The following CNTNAP2 variants were observed in gnomAD, a reference collection of about 807,000 sequenced individuals.
CNTNAP2 encodes the protein contactin-associated protein-like 2.
Under a neutral mutation model 155.2 loss-of-function variants are expected in CNTNAP2, and 98 were observed. The observed-to-expected ratio is 0.63, with a 90% CI of 0.54 to 0.75. The LOEUF is 0.75. Ranked by LOEUF, CNTNAP2 falls within the 30% of genes least tolerant of loss-of-function variation. The probability of loss-of-function intolerance (pLI) is 0.00; values close to 1 mark genes in which losing one functional copy is unlikely to be tolerated. For synonymous variants in CNTNAP2, 651 were observed against 631.2 expected, an observed-to-expected ratio of 1.03 and a Z score of -0.47; for missense variants, 1,727 against 1,688.1, an observed-to-expected ratio of 1.02 and a Z score of -0.40.
At chr7:147,132,692 G>C (rs557230911) in intron 8 of CNTNAP2, among the ~76,000 whole-genome samples, 183 bp downstream of exon 8, 77 of 152,136 alleles carry the variant, frequency 5.1e-4, no homozygotes, top group Non-Finnish European at 9.4e-4. Flanking sequence ...AAGTTGTTGA[G>C]AGAGCAAGGC....
At chr7:147,047,031 C>CA (rs1230362426) in intron 4 of CNTNAP2, among the ~76,000 whole-genome samples, 5,487 of 49,664 alleles carry the variant, frequency 0.11, 492 homozygotes, top group African/African-American at 0.28. Context: ...GACTCCGTGT[C>CA]AAAAAAAAAA....
intron 1 of CNTNAP2, among the ~76,000 whole-genome samples, chr7:146,267,256 G>A (rs752401965): frequency 1.3e-5 from 2 of 152,126 alleles, no homozygotes; most frequent in Non-Finnish European, 2.9e-5. Flanking sequence ...TATTCATATA[G>A]CAATTAATAC....
At chr7:146,686,299 G>GAA (rs58176175) in intron 1 of CNTNAP2, among the ~76,000 whole-genome samples, 2 of 149,278 alleles carry the variant, frequency 1.3e-5, no homozygotes, top group African/African-American at 4.9e-5. Flanking sequence ...TGTCTCAAGG[G>GAA]AAAAAAAAAA....
chr7:146,257,131 C>T (rs965311890), intron 1 of CNTNAP2, among the ~76,000 whole-genome samples: 2 of 152,126 alleles, frequency 1.3e-5, no homozygotes, highest in Admixed American at 1.3e-4. Context: ...TTTATTTGAA[C>T]AACTGTTATT....
chr7:147,672,808 C>G (rs1795809703), intron 13 of CNTNAP2: 2 of 151,836 alleles, frequency 1.3e-5, no homozygotes, highest in African/African-American at 4.9e-5. Flanking sequence ...CTTAGTTGCA[C>G]TGATTTTTTT....
intron 12 of CNTNAP2, among the ~76,000 whole-genome samples, chr7:147,587,793 G>A (rs1324401002): frequency 1.3e-5 from 2 of 152,048 alleles, no homozygotes; most frequent in Non-Finnish European, 2.9e-5. Flanking sequence ...GAAGACCCTG[G>A]CATTTGTTTT....
intron 13 of CNTNAP2, among the ~76,000 whole-genome samples, chr7:147,802,788 G>GGGGAGAGGGAGAGGGAGGGGGAGA (rs1450869174): frequency 8.2e-6 from 1 of 122,214 alleles, no homozygotes; most frequent in Non-Finnish European, 1.8e-5. Flanking sequence ...GGAGAGGGAG[G>GGGGAGAGGGAGAGGGAGGGGGAGA]GGGAGGGGGA....
At chr7:147,715,585 C>T (rs746544849) in intron 13 of CNTNAP2, among the ~76,000 whole-genome samples, 4 of 151,900 alleles carry the variant, frequency 2.6e-5, no homozygotes, top group Non-Finnish European at 5.9e-5. Context: ...TTTATATGTT[C>T]TAGATACTAG....
chr7:147,923,469 G>C (rs1394974642), intron 14 of CNTNAP2, among the ~76,000 whole-genome samples: 1 of 152,028 alleles, frequency 6.6e-6, no homozygotes. Flanking sequence ...TAAGAGAAAG[G>C]CCTGGAGCAG....
chr7:146,701,504 T>G (rs1347683791), intron 1 of CNTNAP2, among the ~76,000 whole-genome samples: 1 of 152,200 alleles, frequency 6.6e-6, no homozygotes, highest in Non-Finnish European at 1.5e-5. Context: ...AAAATATATA[T>G]TCTTCCAGTC....
intron 20 of CNTNAP2, among the ~76,000 whole-genome samples, chr7:148,254,806 A>C (rs1796432547): frequency 6.6e-6 from 1 of 151,386 alleles, no homozygotes; most frequent in African/African-American, 2.4e-5. Flanking sequence ...CTTAACCATA[A>C]CATTATACAA....
intron 1 of CNTNAP2, among the ~76,000 whole-genome samples, chr7:146,442,312 T>G (rs1313391601): frequency 6.6e-6 from 1 of 151,656 alleles, no homozygotes; most frequent in Non-Finnish European, 1.5e-5. Context: ...TGCACTTTCT[T>G]TACTTAAAAT....
At chr7:146,153,484 C>T (rs140995176) in intron 1 of CNTNAP2, among the ~76,000 whole-genome samples, 228 of 152,212 alleles carry the variant, frequency 1.5e-3, no homozygotes, top group Non-Finnish European at 2.6e-3. Flanking sequence ...ATCTTTTGCA[C>T]GGCTGTTGAG....
intron 10 of CNTNAP2, among the ~76,000 whole-genome samples, chr7:147,461,137 T>C (rs1001587700): frequency 1.3e-5 from 2 of 152,166 alleles, no homozygotes; most frequent in Non-Finnish European, 2.9e-5. Flanking sequence ...AGAAAACATT[T>C]ATAAGTGAGG....
At chr7:146,175,358 G>A (rs578115202) in intron 1 of CNTNAP2, among the ~76,000 whole-genome samples, 61 of 152,310 alleles carry the variant, frequency 4.0e-4, no homozygotes, top group African/African-American at 1.4e-3. Context: ...GGTATTCTTT[G>A]AGGAAGTGAA....
chr7:148,196,429 C>G (rs1230577290), intron 18 of CNTNAP2, among the ~76,000 whole-genome samples: 1 of 152,084 alleles, frequency 6.6e-6, no homozygotes, highest in Non-Finnish European at 1.5e-5. Flanking sequence ...CTCGTCTGAT[C>G]ACTAGAATGG....
chr7:146,921,607 G>T (rs531997354), intron 3 of CNTNAP2, among the ~76,000 whole-genome samples: 1 of 152,208 alleles, frequency 6.6e-6, no homozygotes, highest in Admixed American at 6.5e-5. Flanking sequence ...GCTTGTGCGG[G>T]GGAATTCCCA....
intron 8 of CNTNAP2, among the ~76,000 whole-genome samples, chr7:147,241,078 C>T (rs1159111151): frequency 6.6e-6 from 1 of 152,078 alleles, no homozygotes; most frequent in Non-Finnish European, 1.5e-5. Flanking sequence ...CTTAAAAGAC[C>T]ATCAGATTTG....
intron 13 of CNTNAP2, among the ~76,000 whole-genome samples, chr7:147,696,497 A>T (rs1261317117): frequency 6.6e-6 from 1 of 152,180 alleles, no homozygotes; most frequent in Non-Finnish European, 1.5e-5. Context: ...TACATAGAGT[A>T]CATTATTATT....
Sources: allele counts gnomAD v4.1 joint callset (sites outside exome capture counted in the v4.1 genomes callset), GRCh38; gene constraint gnomAD v4.1.1; transcripts MANE v1.5; gene names NCBI Gene and HGNC (gene_info 2026-07-23, HGNC 2026-07-21).